Variants in RHBDF2 observed in about 807,000 individuals in gnomAD.
RHBDF2 encodes the protein rhomboid 5 homolog 2.
In RHBDF2, 38 loss-of-function variants were observed where a neutral mutation model predicts 95.2. The ratio of observed to expected loss-of-function variants is 0.40; its 90% CI spans 0.31 to 0.52. The LOEUF is 0.52. Ranked by LOEUF, RHBDF2 falls within the 20% of genes least tolerant of loss-of-function variation. The pLI is 0.56. For missense variants in RHBDF2, 863 were observed against 1,137.7 expected (o/e 0.76, Z 3.47); for synonymous variants, 442 against 462.0 (o/e 0.96, Z 0.55).
chr17:76,472,474 G>T (rs945968574), intron 18 of RHBDF2: 4 of 667,188 alleles, frequency 6.0e-6, no homozygotes, highest in Non-Finnish European at 8.1e-6. Context: ...TAAATGAGGC[G>T]GTGGAGGGAC....
intron 6 of RHBDF2, 68 bp from the exon 7 acceptor site, chr17:76,477,853 C>A: frequency 1.3e-6 from 2 of 1,578,556 alleles, no homozygotes; most frequent in Middle Eastern, 2.0e-4. Context: ...GCCCCAACAC[C>A]GAAGGAATCA....
intron 1 of RHBDF2, among the ~76,000 whole-genome samples, chr17:76,488,441 A>C (rs2074202634): frequency 6.6e-6 from 1 of 152,118 alleles, no homozygotes; most frequent in African/African-American, 2.4e-5. Flanking sequence ...CGGAGGTTGC[A>C]GTGAGCCGAG....
At chr17:76,482,355 G>T (rs1041413350) in intron 2 of RHBDF2, among the ~76,000 whole-genome samples, 3 of 152,092 alleles carry the variant, frequency 2.0e-5, no homozygotes, top group Admixed American at 6.5e-5. Flanking sequence ...AGAGGTGGGG[G>T]TCTCTCCATG....
At chr17:76,488,382 C>T (rs2074201033) in intron 1 of RHBDF2, among the ~76,000 whole-genome samples, 1 of 152,020 alleles carries the variant, frequency 6.6e-6, no homozygotes, top group African/African-American at 2.4e-5. Context: ...CACCTTTAGT[C>T]CCAGCTACTC....
rs1467151054 is a variant in RHBDF2, at chr17:76,487,817, TCA to T, written c.-129_-128del. ...TGTACAGATGCTCCGGTGTCAAGCC[TCA>T]GTCTGTGGAAGGGTGGCTGGACAGA... On this transcript the variant is annotated 5_prime_UTR_variant, in exon 2 of 19. Transcript: ENST00000675367. 6.6e-6 allele frequency: 1 copy of T among 152,302 alleles called. No homozygotes were observed. The highest frequency in any genetic ancestry group is 1.5e-5 in the Non-Finnish European group (1 of 68,152). The allele number at this position is 152,302 out of a possible 1,614,324, so 9.4% of individuals were successfully genotyped here.
intron 12 of RHBDF2, 111 bp from the exon 13 acceptor site, chr17:76,474,253 G>C: frequency 7.3e-7 from 1 of 1,363,068 alleles, no homozygotes. Flanking sequence ...TCATCTATGG[G>C]GGTCTGGGAA....
rs2073537293 is a variant in RHBDF2 at position 76,470,972 on chromosome 17, G to GATATAAACTGGTAA, written c.*647_*660dup. 1 of 152,536 alleles carries GATATAAACTGGTAA rather than the reference G, an allele frequency of 6.6e-6. No individual in the cohort carries two copies. The highest frequency in any genetic ancestry group is 2.4e-5 in the African/African-American group (1 of 41,430). The allele number at this position is 152,536 out of a possible 1,614,324, so 9.4% of individuals were successfully genotyped here. A position where few individuals can be genotyped will look rare whatever the true frequency, so the allele number is the denominator to read the frequency against. On this transcript the variant is annotated 3_prime_UTR_variant, in exon 19 of 19. Transcript: ENST00000675367. ...CGTTACTTTTAAAAATGAAGACCGT[G>GATATAAACTGGTAA]ATATAAACTGGTAAAAAACGGGCCT...
At chr17:76,496,241 G>A (rs1250617878) in intron 1 of RHBDF2, among the ~76,000 whole-genome samples, 1 of 152,192 alleles carries the variant, frequency 6.6e-6, no homozygotes, top group East Asian at 1.9e-4. Flanking sequence ...TTTATTCCTG[G>A]CTGAGCTCTG....
Position 76,479,177 on chromosome 17 carries a change from G to A in RHBDF2, c.373C>T (p.Leu125=), listed in dbSNP as rs752210304. 1.4e-5 allele frequency: 23 copies of A among 1,612,252 alleles called. No homozygotes were observed. Among genetic ancestry groups the A allele is most frequent in the Non-Finnish European group, 4.2e-6 (5 of 1,179,546 alleles). Residue 125 remains leucine (L), a synonymous_variant, in exon 5 of 19, where the codon CTG becomes TTG. Transcript: ENST00000675367. ...LHHCSMRYGR[L]KASCQRDLEL... is the part of the protein sequence containing the mutation. ...AGGTCACGCTGGCACGAGGCCTTCA[G>A]GCGGCCGTAGCGCATGCTGCAGTGG...
At chr17:76,481,347 C>T in intron 3 of RHBDF2, 28 bp downstream of exon 3, 1 of 1,596,652 alleles carries the variant, frequency 6.3e-7, no homozygotes, top group Non-Finnish European at 8.5e-7. Flanking sequence ...TACGGCAGAA[C>T]AGTGAGCCCC....
chr17:76,496,501 G>A lies in RHBDF2; in HGVS notation c.-220+4852C>T, dbSNP rs552338390. Among the ~76,000 whole-genome samples the A allele has an allele frequency of 3.9e-5, 6 of 152,354 alleles. No homozygotes were observed. In the South Asian group the frequency reaches 8.3e-4, roughly 21 times the overall value. On this transcript the variant is annotated intron_variant, in intron 1 of 18. Transcript: ENST00000675367. The stretch of plus-strand genomic sequence containing the variant: ...GAACGGGTGAGGACTCTGAGTGTTT[G>A]GGGTGCTGGAGTGAGTCCTGCATGC...
intron 1 of RHBDF2, among the ~76,000 whole-genome samples, chr17:76,498,789 A>AGAGTGTGTGTGT (rs1206209503): frequency 2.5e-4 from 36 of 143,774 alleles, no homozygotes; most frequent in South Asian, 9.0e-4. Context: ...AGAGAAAGAG[A>AGAGTGTGTGTGT]GTGTGTGTGT....
At chr17:76,483,280 TTTTTTTC>T (rs770034482) in intron 2 of RHBDF2, among the ~76,000 whole-genome samples, 46 of 151,838 alleles carry the variant, frequency 3.0e-4, no homozygotes, top group Non-Finnish European at 6.2e-4. Flanking sequence ...ACAGACCTAC[TTTTTTTC>T]TTTTTTCTTT....
In RHBDF2 at chr17:76,479,062, C is replaced by T. The variant is rs376761437; in HGVS notation, c.468+20G>A. On this transcript the variant is annotated intron_variant, in intron 5 of 18. Coordinates refer to ENST00000675367, the MANE Select transcript of RHBDF2 (RefSeq NM_001005498.4). ...GCCATTAGGGTCCCCACCCCTGCCT[C>T]CTTTCCCCATGGATCCCACCTTGGG... is the stretch of plus-strand genomic sequence containing the variant. 8.1e-6 allele frequency: 13 copies of T among 1,613,196 alleles called. No individual in the cohort carries two copies. In the African/African-American group the frequency reaches 1.6e-4, roughly 20 times the overall value.
In RHBDF2 at chr17:76,496,983, C is replaced by T. The variant is rs1169694253; in HGVS notation, c.-220+4370G>A. Among the ~76,000 whole-genome samples the T allele has an allele frequency of 3.9e-5, 6 of 152,118 alleles. No individual in the cohort carries two copies. The South Asian group carries it at 8.3e-4, about 21-fold the overall frequency. On this transcript the variant is annotated intron_variant, in intron 1 of 18. Coordinates refer to ENST00000675367, the MANE Select transcript of RHBDF2 (RefSeq NM_001005498.4). ...TTCACCGTATTAGCCAGGATGGTCC[C>T]GATCTCCTGACCTTGTGACTGCCTG...
At chr17:76,480,806 T>A (rs1239102620) in intron 3 of RHBDF2, among the ~76,000 whole-genome samples, 1 of 152,224 alleles carries the variant, frequency 6.6e-6, no homozygotes, top group Admixed American at 6.5e-5. Flanking sequence ...TGCTGCTGTG[T>A]CTTCTGCAGA....
In RHBDF2 at chr17:76,481,454, G is replaced by T; in HGVS notation, c.71C>A (p.Pro24Gln). Residue 24 changes from proline (P) to glutamine (Q), a missense_variant, in exon 3 of 19, where the codon CCA becomes CAA. Coordinates refer to ENST00000675367, the MANE Select transcript of RHBDF2 (RefSeq NM_001005498.4). ...CGGGATGGTGATGGAGAGGTTGGGT[G>T]GCTTCCGGCTCTGCAGGCGGCTGCT... ...VSSSRLQSRKPPNLSITIPPP... is the reference protein window; with the variant it reads ...VSSSRLQSRKQPNLSITIPPP... The T allele has an allele frequency of 6.2e-7, 1 of 1,612,778 alleles. No individual in the cohort carries two copies.
chr17:76,486,364 G>T (rs1021102893), intron 2 of RHBDF2, among the ~76,000 whole-genome samples: 1 of 152,146 alleles, frequency 6.6e-6, no homozygotes, highest in Admixed American at 6.5e-5. Context: ...CGGCCTCTCA[G>T]AAAGTGCTGA....
chr17:76,471,442 GA>G lies in RHBDF2; in HGVS notation c.*190del, dbSNP rs961322399. 1.0e-4 allele frequency: 64 copies of G among 636,222 alleles called. No homozygotes were observed. The highest frequency in any genetic ancestry group is 1.7e-4 in the Non-Finnish European group (63 of 377,442). 39.4% of individuals were successfully genotyped at this position (636,222 alleles called of 1,614,324 possible). A position where few individuals can be genotyped will look rare whatever the true frequency, so the allele number is the denominator to read the frequency against. On this transcript the variant is annotated 3_prime_UTR_variant, in exon 19 of 19. Coordinates refer to ENST00000675367, the MANE Select transcript of RHBDF2 (RefSeq NM_001005498.4). ...AGGATCTCACAGGCCTCACGCCCCAGAAAAACCCCGCCTTAACCAACCATCT... is the reference window on the plus strand; with the variant it reads ...AGGATCTCACAGGCCTCACGCCCCAGAAAACCCCGCCTTAACCAACCATCT...
Sources: gnomAD v4.1 joint callset for allele counts (sites outside exome capture counted in the v4.1 genomes callset) on GRCh38, gnomAD v4.1.1 for gene constraint, MANE v1.5 for transcripts, NCBI Gene and HGNC (gene_info 2026-07-23, HGNC 2026-07-21) for gene names.